The following PHKA2 variants were observed in gnomAD, a reference collection of about 807,000 sequenced individuals.
PHKA2 encodes phosphorylase b kinase regulatory subunit alpha, liver isoform.
In PHKA2, 31 loss-of-function variants were observed where a neutral mutation model predicts 102.0. The ratio of observed to expected loss-of-function variants is 0.30; its 90% CI spans 0.23 to 0.41. The LOEUF (loss-of-function observed/expected upper bound fraction) is 0.41, where lower values mean the gene tolerates loss of function less well. PHKA2 is among the 10% of genes least tolerant of loss of function. The probability of loss-of-function intolerance (pLI) is 1.00; values close to 1 mark genes in which losing one functional copy is unlikely to be tolerated. For missense variants in PHKA2, 858 were observed against 1,023.1 expected, an observed-to-expected ratio of 0.84 and a Z score of 2.20; for synonymous variants, 455 against 416.2, an observed-to-expected ratio of 1.09 and a Z score of -1.13.
Position 18,897,325 on chromosome X carries a change from G to A in PHKA2, c.3120C>T (p.Ser1040=), listed in dbSNP as rs147638986. The A allele has an allele frequency of 1.7e-6, 2 of 1,208,071 alleles. No homozygotes were observed. The highest frequency in any genetic ancestry group is 2.2e-6 in the Non-Finnish European group (2 of 894,080). The change falls in exon 30 of 33, where the codon AGC becomes AGT. Residue 1040 remains serine (S), a synonymous_variant. Transcript: ENST00000379942. ...SAHSSKSARS[S]TPSSPTGTSS... is the part of the protein sequence containing the mutation. ...ACGTGCCAGTGGGCGAGGATGGGGT[G>A]CTGGACCTCTGCAAGACAGACAGCT...
At chrX:18,895,245 T>C in intron 30 of PHKA2, 54 bp from the exon 31 acceptor site, 1 of 1,077,210 alleles carries the variant, frequency 9.3e-7, no homozygotes, top group East Asian at 3.0e-5. Flanking sequence ...GATAAGCACA[T>C]GCATGCACAC....
At position 18,936,998 on chromosome X, in the gene PHKA2, A is replaced by G. The variant is rs185848011; in HGVS notation, c.1042-848T>C. Reference sequence around the variant, plus strand: ...TCTTTTGAGATCTTTCAATTCTGGGATAAAATGACAGAAAACCTAAGATAA... The same window carrying G: ...TCTTTTGAGATCTTTCAATTCTGGGGTAAAATGACAGAAAACCTAAGATAA... On this transcript the variant is annotated intron_variant, in intron 10 of 32. Transcript: ENST00000379942. Among the ~76,000 whole-genome samples the G allele has an allele frequency of 1.2e-3, 135 of 112,066 alleles. 1 individual carries two copies. The highest frequency in any genetic ancestry group is 9.5e-4 in the Admixed American group (10 of 10,491).
In PHKA2 at chrX:18,906,580, G is replaced by T; in HGVS notation, c.2721C>A (p.Ser907Arg). The T allele has an allele frequency of 8.3e-7, 1 of 1,198,226 alleles. No homozygotes were observed. Among genetic ancestry groups the T allele is most frequent in the Non-Finnish European group, 1.1e-6 (1 of 882,743 alleles). Residue 907 changes from serine to arginine, a missense_variant, in exon 25 of 33, where the codon AGC becomes AGA. Physicochemically the swap from Ser to Arg is moderately radical, Grantham distance 110. This residue lies in a region of PHKA2 where 671 missense variants were observed against 745.2 expected (regional missense o/e 0.90). Transcript: ENST00000379942. ...YLAMYVRAQPSLFVEMLRLRI... is the reference protein window; with the variant it reads ...YLAMYVRAQPRLFVEMLRLRI... ...GGAGTCTCAGCATCTCCACAAAGAGGCTGGGCTGCGCCCTGACATACATGG... is the reference window on the plus strand; with the variant it reads ...GGAGTCTCAGCATCTCCACAAAGAGTCTGGGCTGCGCCCTGACATACATGG...
At chrX:18,904,573 T>C (rs2047769008) in intron 26 of PHKA2, among the ~76,000 whole-genome samples, 1 of 112,176 alleles carries the variant, frequency 8.9e-6, no homozygotes, top group Non-Finnish European at 1.9e-5. Flanking sequence ...ACATTAAATA[T>C]TTATCTCGTA....
intron 12 of PHKA2, 67 bp from the exon 13 acceptor site, chrX:18,929,373 G>T: frequency 1.3e-6 from 1 of 754,947 alleles, no homozygotes; most frequent in Non-Finnish European, 2.0e-6. Context: ...AAACTGAAGT[G>T]TGAAAATGAA....
intron 17 of PHKA2, among the ~76,000 whole-genome samples, chrX:18,922,813 AACT>A (rs748222034): frequency 9.0e-6 from 1 of 111,261 alleles, no homozygotes; most frequent in Non-Finnish European, 1.9e-5. Context: ...AACACTACTG[AACT>A]ATACACTTAC....
At chrX:18,924,332 CA>C in intron 16 of PHKA2, 48 bp downstream of exon 16, 1 of 1,194,894 alleles carries the variant, frequency 8.4e-7, no homozygotes, top group East Asian at 3.0e-5. Context: ...TGTAAGAGCC[CA>C]AACCACCCCT....
chrX:18,918,902 A>G lies in PHKA2; in HGVS notation c.1964-48T>C, dbSNP rs190596950. 180 of 1,070,433 alleles carry G rather than the reference A, an allele frequency of 1.7e-4. 1 individual carries two copies. In the African/African-American group the frequency reaches 3.2e-3, roughly 19 times the overall value. The allele number at this position is 1,070,433 out of a possible 1,213,427, so 88.2% of individuals were successfully genotyped here. On this transcript the variant is annotated intron_variant, in intron 18 of 32. Transcript: ENST00000379942. ...AAGAGCCAATGAAACCAAGCTGTAG[A>G]AATATGACTACACAATAGTGACCAT...
chrX:18,941,070 A>G (rs1017791801), intron 8 of PHKA2, among the ~76,000 whole-genome samples: 4 of 112,327 alleles, frequency 3.6e-5, no homozygotes, highest in Non-Finnish European at 7.5e-5. Context: ...AACTGGCTGG[A>G]GTATTTAATA....
intron 1 of PHKA2, among the ~76,000 whole-genome samples, chrX:18,966,867 G>T (rs1204191416): frequency 8.9e-6 from 1 of 111,964 alleles, no homozygotes; most frequent in African/African-American, 3.2e-5. Context: ...GAAGTACAGG[G>T]AAGGGACTGA....
chrX:18,906,430 G>A, intron 25 of PHKA2, 65 bp downstream of exon 25: 3 of 1,185,622 alleles, frequency 2.5e-6, no homozygotes, highest in Non-Finnish European at 3.4e-6. Context: ...CCCTGAGAGT[G>A]GAGGCCGTGG....
In PHKA2 at chrX:18,907,529, C is replaced by T. The variant is rs1298522338; in HGVS notation, c.2517+371G>A. Among the ~76,000 whole-genome samples the T allele has an allele frequency of 4.5e-5, 5 of 111,888 alleles. No individual in the cohort carries two copies. The East Asian group carries it at 8.4e-4, about 19-fold the overall frequency. On this transcript the variant is annotated intron_variant, in intron 22 of 32. Coordinates refer to ENST00000379942, the MANE Select transcript of PHKA2 (RefSeq NM_000292.3). ...CATCTTACCATCATGACACTGAACTCGAGTGTCTTAGAAAGCAGCTCTGGA... is the reference window on the plus strand; with the variant it reads ...CATCTTACCATCATGACACTGAACTTGAGTGTCTTAGAAAGCAGCTCTGGA...
intron 10 of PHKA2, 129 bp from the exon 11 acceptor site, chrX:18,936,279 C>T: frequency 2.0e-6 from 1 of 505,469 alleles, no homozygotes; most frequent in Non-Finnish European, 3.5e-6. Context: ...AAGAAATGCA[C>T]AAATACCCTC....
rs767805560 is a variant in PHKA2, at chrX:18,956,771, C to T, written c.79-2359G>A. Among the ~76,000 whole-genome samples the T allele has an allele frequency of 6.2e-5, 7 of 112,808 alleles. No individual in the cohort carries two copies. In the South Asian group the frequency reaches 2.6e-3, roughly 41 times the overall value. Reference sequence around the variant, plus strand: ...AATATTTACTTTTTGACTTGCTTCTCTTGTTAAGTCTATAAAAACCAGTGC... The same window carrying T: ...AATATTTACTTTTTGACTTGCTTCTTTTGTTAAGTCTATAAAAACCAGTGC... On this transcript the variant is annotated intron_variant, in intron 1 of 32. Coordinates refer to ENST00000379942, the MANE Select transcript of PHKA2 (RefSeq NM_000292.3).
intron 1 of PHKA2, among the ~76,000 whole-genome samples, chrX:18,966,611 T>TC (rs1418632937): frequency 1.8e-5 from 2 of 112,325 alleles, no homozygotes; most frequent in African/African-American, 6.5e-5. Flanking sequence ...GCAAAAGCCT[T>TC]CCTCCTGGCT....
At position 18,920,190 on chromosome X, in the gene PHKA2, C is replaced by G. The variant is rs1161826896; in HGVS notation, c.1805G>C (p.Gly602Ala). The G allele has an allele frequency of 1.7e-5, 17 of 1,003,506 alleles. No homozygotes were observed. The highest frequency in any genetic ancestry group is 2.4e-5 in the Non-Finnish European group (17 of 705,761). The allele number at this position is 1,003,506 out of a possible 1,213,427, so 82.7% of individuals were successfully genotyped here. A position where few individuals can be genotyped will look rare whatever the true frequency, so the allele number is the denominator to read the frequency against. ...TGTGGTGAGAAATTCCGAAAGGTTC[C>G]CTAATTTTACTCTGCCAAGAAGACA... ...GYFGGARVKL[G>A]NLSEFLTTSF... The change falls in exon 18 of 33, where the codon GGG becomes GCG. Residue 602 changes from glycine to alanine, a missense_variant. Transcript: ENST00000379942.
At chrX:18,932,860 T>C (rs1368369569) in intron 11 of PHKA2, among the ~76,000 whole-genome samples, 1 of 111,857 alleles carries the variant, frequency 8.9e-6, no homozygotes, top group Non-Finnish European at 1.9e-5. Flanking sequence ...ACACCTGTAA[T>C]CCCAGCACTT....
intron 2 of PHKA2, among the ~76,000 whole-genome samples, chrX:18,953,832 C>T (rs1342697612): frequency 9.1e-6 from 1 of 110,286 alleles, no homozygotes; most frequent in African/African-American, 3.3e-5. Context: ...ACTAAAAATA[C>T]AAAATTAGCT....
chrX:18,964,457 T>C (rs1230978783), intron 1 of PHKA2, among the ~76,000 whole-genome samples: 1 of 112,455 alleles, frequency 8.9e-6, no homozygotes. Flanking sequence ...GAAGAAAGTA[T>C]AGTTCAATTA....
Sources: allele counts gnomAD v4.1 joint callset (sites outside exome capture counted in the v4.1 genomes callset), GRCh38; gene constraint gnomAD v4.1.1; regional missense constraint gnomAD v4.1.1; transcripts MANE v1.5; gene names NCBI Gene and HGNC (gene_info 2026-07-23, HGNC 2026-07-21).